SMC5: variants seen among roughly 807,000 people sequenced by gnomAD.
SMC5 encodes the protein structural maintenance of chromosomes protein 5.
SMC5 carries 88 observed loss-of-function variants against 148.3 expected under a neutral mutation model. The ratio of observed to expected loss-of-function variants is 0.59; its 90% CI spans 0.50 to 0.71. SMC5 has a LOEUF of 0.71. Ranked by LOEUF, SMC5 falls within the 30% of genes least tolerant of loss-of-function variation. The probability of loss-of-function intolerance (pLI) is 0.00; values close to 1 mark genes in which losing one functional copy is unlikely to be tolerated. For synonymous variants in SMC5, 421 were observed against 432.8 expected (o/e 0.97, Z 0.34); for missense variants, 1,142 against 1,298.9 (o/e 0.88, Z 1.86).
intron 22 of SMC5, among the ~76,000 whole-genome samples, chr9:70,349,013 T>C (rs2036738815): frequency 6.6e-6 from 1 of 152,232 alleles, no homozygotes; most frequent in African/African-American, 2.4e-5. Context: ...AGTACTATCT[T>C]AGACCTTAAA....
At chr9:70,279,678 G>A (rs138526574) in intron 5 of SMC5, among the ~76,000 whole-genome samples, 10,501 of 152,096 alleles carry the variant, frequency 0.069, 576 homozygotes, top group East Asian at 0.22. Context: ...TTAGCCGGGT[G>A]TGATGGTGGG....
intron 17 of SMC5, among the ~76,000 whole-genome samples, chr9:70,324,563 C>T (rs997612068): frequency 6.6e-6 from 1 of 152,130 alleles, no homozygotes; most frequent in Non-Finnish European, 1.5e-5. Context: ...AACTAAGTTT[C>T]AGGGTATCCA....
chr9:70,309,484 T>C (rs1285914559), intron 11 of SMC5, among the ~76,000 whole-genome samples: 1 of 152,010 alleles, frequency 6.6e-6, no homozygotes, highest in Non-Finnish European at 1.5e-5. Context: ...AAACCCTGCC[T>C]CTACTTTATC....
At chr9:70,298,293 C>T (rs886192939) in intron 9 of SMC5, 72 bp downstream of exon 9, 1 of 1,461,992 alleles carries the variant, frequency 6.8e-7, no homozygotes. Context: ...CTTTCTTCTG[C>T]TTCTATAATT....
intron 22 of SMC5, among the ~76,000 whole-genome samples, chr9:70,348,919 A>G (rs1412334497): frequency 6.6e-6 from 1 of 152,156 alleles, no homozygotes; most frequent in African/African-American, 2.4e-5. Context: ...ACAGAGTGGG[A>G]CAGAGACTCT....
At chr9:70,282,400 T>C (rs1425553283) in intron 6 of SMC5, 22 bp from the exon 7 acceptor site, 1 of 1,571,528 alleles carries the variant, frequency 6.4e-7, no homozygotes, top group Non-Finnish European at 8.6e-7. Flanking sequence ...CATTAACTTC[T>C]GTTTGTTGAA....
chr9:70,309,318 CTTTTTTT>C (rs59694037), intron 11 of SMC5, among the ~76,000 whole-genome samples: 19 of 79,158 alleles, frequency 2.4e-4, no homozygotes, highest in South Asian at 5.0e-4. Context: ...TTTCCTTTTC[CTTTTTTT>C]TTTTTTTTTT....
At chr9:70,326,563 G>A (rs935948433) in intron 17 of SMC5, among the ~76,000 whole-genome samples, 1 of 150,632 alleles carries the variant, frequency 6.6e-6, no homozygotes, top group Non-Finnish European at 1.5e-5. Context: ...CTTTATGTTG[G>A]CTTATTTAAA....
chr9:70,298,586 T>C (rs1313923764), intron 9 of SMC5, among the ~76,000 whole-genome samples: 1 of 152,158 alleles, frequency 6.6e-6, no homozygotes, highest in Admixed American at 6.5e-5. Context: ...CAATTTCATC[T>C]TTGGTTTTCT....
intron 9 of SMC5, among the ~76,000 whole-genome samples, chr9:70,299,388 T>G (rs767029669): frequency 5.3e-5 from 8 of 151,950 alleles, no homozygotes; most frequent in Non-Finnish European, 1.2e-4. Flanking sequence ...AAAAAAGCTG[T>G]CTTATCGGGC....
At chr9:70,283,937 T>C (rs1369109050) in intron 7 of SMC5, among the ~76,000 whole-genome samples, 1 of 152,228 alleles carries the variant, frequency 6.6e-6, no homozygotes, top group Non-Finnish European at 1.5e-5. Context: ...TTTCATCTTT[T>C]GTTTGTAAAA....
At chr9:70,260,895 A>G (rs79080913) in intron 1 of SMC5, among the ~76,000 whole-genome samples, 1 of 152,114 alleles carries the variant, frequency 6.6e-6, no homozygotes, top group Non-Finnish European at 1.5e-5. Context: ...GGCGCGTACC[A>G]TACCTGGCTA....
At chr9:70,301,447 A>G (rs1227350493) in intron 10 of SMC5, among the ~76,000 whole-genome samples, 2 of 152,174 alleles carry the variant, frequency 1.3e-5, no homozygotes, top group Non-Finnish European at 2.9e-5. Context: ...CCACCTTCCT[A>G]CATTCACATC....
intron 1 of SMC5, among the ~76,000 whole-genome samples, chr9:70,262,236 C>A (rs2034158325): frequency 1.3e-5 from 2 of 151,996 alleles, no homozygotes. Flanking sequence ...GCAAATACTT[C>A]AGAGCAATAA....
chr9:70,351,065 A>G (rs1460815394), intron 24 of SMC5, among the ~76,000 whole-genome samples: 2 of 152,110 alleles, frequency 1.3e-5, no homozygotes, highest in African/African-American at 4.8e-5. Context: ...TTCATGAAAA[A>G]TTTTGGCCAG....
intron 3 of SMC5, among the ~76,000 whole-genome samples, chr9:70,268,966 G>A (rs1323452595): frequency 1.3e-5 from 2 of 152,078 alleles, no homozygotes; most frequent in African/African-American, 2.4e-5. Flanking sequence ...ACATAAATAT[G>A]CACATTATTT....
At chr9:70,282,714 A>G in intron 7 of SMC5, 131 bp downstream of exon 7, 1 of 886,336 alleles carries the variant, frequency 1.1e-6, no homozygotes, top group Non-Finnish European at 1.6e-6. Context: ...TTAACCAGGA[A>G]TTCTGCCACC....
intron 17 of SMC5, among the ~76,000 whole-genome samples, chr9:70,342,551 A>G (rs373044140): frequency 4.8e-4 from 73 of 152,220 alleles, no homozygotes; most frequent in African/African-American, 1.6e-3. Context: ...AGAGCAAACC[A>G]GACCTGTTTT....
intron 21 of SMC5, 63 bp from the exon 22 acceptor site, chr9:70,347,856 T>C: frequency 6.9e-7 from 1 of 1,457,398 alleles, no homozygotes; most frequent in Non-Finnish European, 9.3e-7. Flanking sequence ...TTACATAAAA[T>C]TGTGTGTCAG....
Sources: allele counts gnomAD v4.1 joint callset (sites outside exome capture counted in the v4.1 genomes callset), GRCh38; gene constraint gnomAD v4.1.1; transcripts MANE v1.5; gene names NCBI Gene and HGNC (gene_info 2026-07-23, HGNC 2026-07-21).